Variants in ALDH3A2 observed in about 807,000 individuals in gnomAD.
ALDH3A2 encodes the protein aldehyde dehydrogenase family 3 member A2.
A neutral mutation model predicts 51.3 loss-of-function variants in ALDH3A2; 36 were observed. The ratio of observed to expected loss-of-function variants is 0.70; its 90% CI spans 0.54 to 0.93. The LOEUF (loss-of-function observed/expected upper bound fraction) is 0.93. Ranked by LOEUF, ALDH3A2 falls within the 40% of genes least tolerant of loss-of-function variation. The probability of loss-of-function intolerance (pLI) is 0.00; values close to 1 mark genes in which losing one functional copy is unlikely to be tolerated. For missense variants in ALDH3A2, 552 were observed against 603.1 expected, an observed-to-expected ratio of 0.92 and a Z score of 0.89; for synonymous variants, 199 against 219.8, an observed-to-expected ratio of 0.91 and a Z score of 0.84.
In ALDH3A2 at chr17:19,663,314, T is replaced by G. The variant is rs368153711; in HGVS notation, c.941-19T>G. 2.5e-5 allele frequency: 41 copies of G among 1,612,976 alleles called. No homozygotes were observed. In the African/African-American group the frequency reaches 5.2e-4, roughly 20 times the overall value. On this transcript the variant is annotated intron_variant, in intron 6 of 9. Transcript: ENST00000176643. ...TTTTTGTCTAATAAGCATTTTCATTTTGTTTATTTTCTTTTTAGCCCCAAC... is the reference window on the plus strand; with the variant it reads ...TTTTTGTCTAATAAGCATTTTCATTGTGTTTATTTTCTTTTTAGCCCCAAC...
At chr17:19,665,859 C>T (rs1304851518) in intron 8 of ALDH3A2, among the ~76,000 whole-genome samples, 1 of 152,228 alleles carries the variant, frequency 6.6e-6, no homozygotes, top group Non-Finnish European at 1.5e-5. Context: ...CCTGTTCTAT[C>T]CTCTCCCTTT....
chr17:19,670,563 CT>C (rs112210347), intron 8 of ALDH3A2, among the ~76,000 whole-genome samples: 4,314 of 137,540 alleles, frequency 0.031, 93 homozygotes, highest in African/African-American at 0.076. Flanking sequence ...CTCCCTTATT[CT>C]TTTTTTTTTT....
chr17:19,670,353 G>C (rs2085095700), intron 8 of ALDH3A2, among the ~76,000 whole-genome samples: 1 of 151,868 alleles, frequency 6.6e-6, no homozygotes. Flanking sequence ...ACAAAACTTT[G>C]TAATTTCCTT....
intron 1 of ALDH3A2, among the ~76,000 whole-genome samples, chr17:19,650,768 A>G (rs1324326817): frequency 1.3e-5 from 2 of 151,808 alleles, no homozygotes; most frequent in African/African-American, 4.8e-5. Flanking sequence ...TCTTGTTTTT[A>G]CTTTTTATCT....
intron 9 of ALDH3A2, among the ~76,000 whole-genome samples, chr17:19,672,632 G>C (rs1296302636): frequency 6.6e-6 from 1 of 152,204 alleles, no homozygotes; most frequent in African/African-American, 2.4e-5. Context: ...GAAGGCAATT[G>C]TGTCTGTGGT....
chr17:19,674,138 G>A (rs1252665640), intron 9 of ALDH3A2: 1 of 152,194 alleles, frequency 6.6e-6, no homozygotes, highest in South Asian at 2.1e-4. Flanking sequence ...GTGAAATCAA[G>A]GTGTAGTATA....
At chr17:19,665,396 T>C (rs2085023254) in intron 8 of ALDH3A2, among the ~76,000 whole-genome samples, 1 of 151,758 alleles carries the variant, frequency 6.6e-6, no homozygotes, top group South Asian at 2.1e-4. Flanking sequence ...TGTGTGTGTG[T>C]GTGTGTGTGT....
chr17:19,667,237 T>G (rs570537748), intron 8 of ALDH3A2, among the ~76,000 whole-genome samples: 1 of 152,374 alleles, frequency 6.6e-6, no homozygotes, highest in African/African-American at 2.4e-5. Flanking sequence ...GTCAATATTC[T>G]TGCATGTCAT....
chr17:19,663,579 AAAACAATGTG>A, intron 7 of ALDH3A2, 80 bp downstream of exon 7: 2 of 1,495,654 alleles, frequency 1.3e-6, no homozygotes, highest in Non-Finnish European at 1.8e-6. Context: ...AACAATGCAA[AAAACAATGTG>A]AAACAATGAT....
rs1247677167 is a variant in ALDH3A2 at position 19,654,758 on chromosome 17, G to T, written c.472-1608G>T. On this transcript the variant is annotated intron_variant, in intron 3 of 9. Transcript: ENST00000176643. This position sits in a 1 kb window ranked among gnomAD's most constrained non-coding sequence, Gnocchi z 4.5. ...CCAGCCTTGGCCAGCCCAGAGAGGG[G>T]CTCCCACAGTGCAGCTGTGGGCTGA... Among the ~76,000 whole-genome samples the T allele has an allele frequency of 1.3e-5, 2 of 152,106 alleles. No homozygotes were observed. The highest frequency in any genetic ancestry group is 2.4e-5 in the African/African-American group (1 of 41,422).
intron 5 of ALDH3A2, among the ~76,000 whole-genome samples, chr17:19,660,873 T>C (rs550960974): frequency 6.6e-6 from 1 of 152,258 alleles, no homozygotes; most frequent in South Asian, 2.1e-4. Flanking sequence ...CTCTAAGAGA[T>C]CCATAAGAAC....
chr17:19,655,178 C>T (rs150219083), intron 3 of ALDH3A2: 9 of 152,214 alleles, frequency 5.9e-5, no homozygotes, highest in Middle Eastern at 3.4e-3. Context: ...TAGCTTTAAG[C>T]GAAATACAGC....
In ALDH3A2 at chr17:19,677,022, C is replaced by T. The variant is rs992939125; in HGVS notation, c.*1450C>T. ...GATCCCCTGAGCAAGTCAGAAGTTA[C>T]TCTCATCAGTCGTTCATGGTCACAA... On this transcript the variant is annotated 3_prime_UTR_variant, in exon 10 of 10. Coordinates refer to ENST00000176643, the MANE Select transcript of ALDH3A2 (RefSeq NM_000382.3). 2 of 152,310 alleles carry T rather than the reference C, an allele frequency of 1.3e-5. No homozygotes were observed. Among genetic ancestry groups the T allele is most frequent in the African/African-American group, 4.8e-5 (2 of 41,468 alleles). The allele number at this position is 152,310 out of a possible 1,614,324, so 9.4% of individuals were successfully genotyped here. A position where few individuals can be genotyped will look rare whatever the true frequency, so the allele number is the denominator to read the frequency against.
In ALDH3A2 at chr17:19,675,916, CTGCT is replaced by C; in HGVS notation, c.*345_*348del. 5.6e-6 allele frequency: 2 copies of C among 358,048 alleles called. No homozygotes were observed. The highest frequency in any genetic ancestry group is 2.6e-5 in the South Asian group (1 of 38,892). 22.2% of individuals were successfully genotyped at this position (358,048 alleles called of 1,614,324 possible). A position where few individuals can be genotyped will look rare whatever the true frequency, so the allele number is the denominator to read the frequency against. On this transcript the variant is annotated 3_prime_UTR_variant, in exon 10 of 10. Coordinates refer to ENST00000176643, the MANE Select transcript of ALDH3A2 (RefSeq NM_000382.3). ...GAATCCTTCACTCCAGTTAATGGCACTGCTCACTTCCTGCCTCTGCTGCCACCAT... is the reference window on the plus strand; with the variant it reads ...GAATCCTTCACTCCAGTTAATGGCACCACTTCCTGCCTCTGCTGCCACCAT...
chr17:19,653,973 T>A (rs1394829406), intron 3 of ALDH3A2, among the ~76,000 whole-genome samples: 4 of 152,154 alleles, frequency 2.6e-5, no homozygotes, highest in Non-Finnish European at 5.9e-5. Flanking sequence ...ATAAAAGTTC[T>A]CCAAGTCCCC....
intron 8 of ALDH3A2, among the ~76,000 whole-genome samples, chr17:19,669,245 G>T (rs1367832193): frequency 6.6e-6 from 1 of 151,882 alleles, no homozygotes; most frequent in Non-Finnish European, 1.5e-5. Context: ...GGAGGCTGCA[G>T]TGAGCCAAGA....
At chr17:19,664,252 G>A (rs1030033621) in intron 7 of ALDH3A2, among the ~76,000 whole-genome samples, 1 of 152,216 alleles carries the variant, frequency 6.6e-6, no homozygotes, top group Non-Finnish European at 1.5e-5. Flanking sequence ...CATGGATAAT[G>A]TGGGCAGGAA....
intron 8 of ALDH3A2, among the ~76,000 whole-genome samples, chr17:19,666,841 C>T (rs1022643027): frequency 2.0e-5 from 3 of 149,930 alleles, no homozygotes; most frequent in Admixed American, 1.3e-4. Context: ...AACAAGCAAC[C>T]TATTATATAC....
intron 6 of ALDH3A2, 198 bp downstream of exon 6, chr17:19,661,466 G>A: frequency 1.6e-6 from 1 of 633,018 alleles, no homozygotes; most frequent in Non-Finnish European, 2.7e-6. Context: ...ATTGAATGAT[G>A]CCACCAGCGT....
Sources: allele counts gnomAD v4.1 joint callset (sites outside exome capture counted in the v4.1 genomes callset), GRCh38; gene constraint gnomAD v4.1.1; non-coding constraint Gnocchi (gnomAD v3.1); transcripts MANE v1.5; gene names NCBI Gene and HGNC (gene_info 2026-07-23, HGNC 2026-07-21).